Variants in FAF1 observed in about 807,000 individuals in gnomAD.
The protein encoded by FAF1 is Fas associated factor 1.
A neutral mutation model predicts 92.5 loss-of-function variants in FAF1; 25 were observed. The ratio of observed to expected loss-of-function variants is 0.27; its 90% CI spans 0.20 to 0.38. FAF1 has a LOEUF of 0.38. Ranked by LOEUF, FAF1 falls within the 10% of genes least tolerant of loss-of-function variation. FAF1 has a pLI of 1.00. For missense variants in FAF1, 636 were observed against 793.3 expected, an observed-to-expected ratio of 0.80 and a Z score of 2.38; for synonymous variants, 234 against 273.2, an observed-to-expected ratio of 0.86 and a Z score of 1.42.
In FAF1 at chr1:50,652,271, G is replaced by A. The variant is rs140664261; in HGVS notation, c.744+3171C>T. 4.4e-3 allele frequency among the ~76,000 whole-genome samples: 663 copies of A among 152,298 alleles called. 8 individuals are homozygous for A. The highest frequency in any genetic ancestry group is 0.014 in the African/African-American group (600 of 41,570). On this transcript the variant is annotated intron_variant, in intron 8 of 18. Transcript: ENST00000396153. ...CATATTTTCCTATAGTAATTAGACT[G>A]CATGACAACTCTTTGGCAAAAAATT...
rs573420145 is a variant in FAF1 at position 50,655,027 on chromosome 1, A to G, written c.744+415T>C. ...CTTTTGTCGCCCAGGCTGGAGTGCA[A>G]TGGCGCAATCTCGGCTCACTGCAAC... On this transcript the variant is annotated intron_variant, in intron 8 of 18. Transcript: ENST00000396153. 4.0e-5 allele frequency among the ~76,000 whole-genome samples: 6 copies of G among 150,654 alleles called. No individual in the cohort carries two copies. The East Asian group carries it at 1.2e-3, about 29-fold the overall frequency.
chr1:50,652,101 C>T (rs141088776), intron 8 of FAF1, among the ~76,000 whole-genome samples: 98 of 152,288 alleles, frequency 6.4e-4, no homozygotes, highest in African/African-American at 2.3e-3. Context: ...GGCACCACTT[C>T]ACAGGTTCTG....
chr1:50,905,093 G>A (rs1644825649), intron 1 of FAF1, among the ~76,000 whole-genome samples: 1 of 152,012 alleles, frequency 6.6e-6, no homozygotes, highest in South Asian at 2.1e-4. Context: ...GTGTCCAAGT[G>A]TTCTCATTGT....
At chr1:50,802,561 A>G (rs1051755517) in intron 2 of FAF1, among the ~76,000 whole-genome samples, 3 of 152,212 alleles carry the variant, frequency 2.0e-5, no homozygotes, top group African/African-American at 7.2e-5. Flanking sequence ...CAAGTTACCA[A>G]GTAGTCAGAA....
intron 8 of FAF1, among the ~76,000 whole-genome samples, chr1:50,602,048 C>G (rs540332179): frequency 6.6e-6 from 1 of 152,248 alleles, no homozygotes; most frequent in East Asian, 1.9e-4. Flanking sequence ...CCTTCTAGCC[C>G]TAATGGGCTA....
At chr1:50,790,084 G>T (rs1346863594) in intron 3 of FAF1, among the ~76,000 whole-genome samples, 1 of 152,156 alleles carries the variant, frequency 6.6e-6, no homozygotes, top group Non-Finnish European at 1.5e-5. Context: ...TATGATTAAT[G>T]ATTTGACATC....
intron 1 of FAF1, among the ~76,000 whole-genome samples, chr1:50,876,426 C>T (rs1263517825): frequency 1.3e-5 from 2 of 152,102 alleles, no homozygotes; most frequent in Non-Finnish European, 2.9e-5. Flanking sequence ...CAAGACGAAC[C>T]TGGAACACCT....
rs187472586 is a variant in FAF1 at position 50,878,659 on chromosome 1, C to G, written c.46-20662G>C. Among the ~76,000 whole-genome samples, 335 of 152,216 alleles carry G rather than the reference C, an allele frequency of 2.2e-3. 3 individuals carry two copies. Among genetic ancestry groups the G allele is most frequent in the African/African-American group, 8.0e-3 (331 of 41,536 alleles). ...ATGATGAGCCAAGCAATTTACAGTA[C>G]CTTTTAATCCTCTCAATGATACCAC... On this transcript the variant is annotated intron_variant, in intron 1 of 18. Transcript: ENST00000396153.
intron 6 of FAF1, among the ~76,000 whole-genome samples, chr1:50,712,120 CAGTA>C (rs1185771762): frequency 6.6e-6 from 1 of 152,152 alleles, no homozygotes; most frequent in Non-Finnish European, 1.5e-5. Context: ...GAAGTGAACA[CAGTA>C]AGATCACATT....
chr1:50,941,483 T>C (rs972096632), intron 1 of FAF1, among the ~76,000 whole-genome samples: 6 of 152,110 alleles, frequency 3.9e-5, no homozygotes, highest in African/African-American at 1.4e-4. Context: ...TCCCAAACTG[T>C]TGAGATTACA....
chr1:50,831,445 C>T (rs1644151923), intron 2 of FAF1, among the ~76,000 whole-genome samples: 3 of 152,156 alleles, frequency 2.0e-5, no homozygotes, highest in Admixed American at 2.0e-4. Context: ...ACTGCAGATA[C>T]TGGTGTCTAC....
At chr1:50,478,388 C>T (rs1646663384) in intron 17 of FAF1, among the ~76,000 whole-genome samples, 1 of 152,124 alleles carries the variant, frequency 6.6e-6, no homozygotes, top group Non-Finnish European at 1.5e-5. Context: ...GTCTCAAACT[C>T]CTGACCTCAA....
chr1:50,765,411 T>C (rs1396049513), intron 4 of FAF1, among the ~76,000 whole-genome samples: 1 of 152,228 alleles, frequency 6.6e-6, no homozygotes, highest in African/African-American at 2.4e-5. Flanking sequence ...ATTTATTCCT[T>C]AATTTATAGT....
At chr1:50,633,331 T>C (rs548028973) in intron 8 of FAF1, among the ~76,000 whole-genome samples, 4 of 152,346 alleles carry the variant, frequency 2.6e-5, no homozygotes, top group South Asian at 2.1e-4. Context: ...AAATCAGTCC[T>C]GTATCTTCTA....
At chr1:50,667,142 A>G (rs1412006077) in intron 7 of FAF1, among the ~76,000 whole-genome samples, 1 of 152,250 alleles carries the variant, frequency 6.6e-6, no homozygotes, top group Non-Finnish European at 1.5e-5. Flanking sequence ...TCTGAGAAAG[A>G]TGGCAAGATA....
chr1:50,739,961 C>A (rs1394622442), intron 5 of FAF1, among the ~76,000 whole-genome samples: 3 of 152,078 alleles, frequency 2.0e-5, no homozygotes, highest in Admixed American at 6.6e-5. Flanking sequence ...TCAAATGTTT[C>A]TTGAAACCAA....
chr1:50,525,176 G>A (rs1647729142), intron 15 of FAF1, among the ~76,000 whole-genome samples: 1 of 152,200 alleles, frequency 6.6e-6, no homozygotes, highest in Non-Finnish European at 1.5e-5. Context: ...GTGAGCCACT[G>A]TGCCTGGCCC....
intron 1 of FAF1, among the ~76,000 whole-genome samples, chr1:50,948,250 A>G: frequency 6.6e-6 from 1 of 152,124 alleles, no homozygotes; most frequent in East Asian, 1.9e-4. Flanking sequence ...ACTGAAATAT[A>G]CTCTGTTAGT....
At chr1:50,865,031 A>G (rs1022528075) in intron 1 of FAF1, among the ~76,000 whole-genome samples, 10 of 152,340 alleles carry the variant, frequency 6.6e-5, no homozygotes, top group Middle Eastern at 6.8e-3. Context: ...GGCGAAGGAC[A>G]TGAACAGACA....
Sources: allele counts gnomAD v4.1 joint callset (sites outside exome capture counted in the v4.1 genomes callset), GRCh38; gene constraint gnomAD v4.1.1; transcripts MANE v1.5; gene names NCBI Gene and HGNC (gene_info 2026-07-23, HGNC 2026-07-21).